CLYBL: variants seen among roughly 807,000 people sequenced by gnomAD.
The protein encoded by CLYBL is citramalyl-CoA lyase, mitochondrial.
CLYBL carries 31 observed loss-of-function variants against 38.9 expected under a neutral mutation model. The observed-to-expected ratio is 0.80, with a 90% confidence interval of 0.60 to 1.08. The LOEUF is 1.08. Ranked by LOEUF, CLYBL falls within the 50% of genes least tolerant of loss-of-function variation. The pLI is 0.00. For synonymous variants in CLYBL, 171 were observed against 158.6 expected, an observed-to-expected ratio of 1.08 and a Z score of -0.59; for missense variants, 434 against 411.6, an observed-to-expected ratio of 1.05 and a Z score of -0.47.
At chr13:99,901,819 C>G (rs1243973905), downstream of CLYBL, among the ~76,000 whole-genome samples, 3 of 152,010 alleles carry the variant, frequency 2.0e-5, no homozygotes, top group Admixed American at 1.3e-4. Flanking sequence ...GCCACCATGC[C>G]TGGCTAATTT....
chr13:99,865,885 C>T lies in CLYBL; in HGVS notation c.635-355C>T, dbSNP rs954499443. The stretch of plus-strand genomic sequence containing the variant: ...TGCCCTGCATAGCTGCTGGGCCACC[C>T]TTTGTGGTGCTGTCTTTGGACTGGC... On this transcript the variant is annotated intron_variant, in intron 5 of 8. Coordinates refer to ENST00000339105, the MANE Select transcript of CLYBL (RefSeq NM_206808.5). This position sits in a 1 kb window ranked among gnomAD's most constrained non-coding sequence, Gnocchi z 4.7. Among the ~76,000 whole-genome samples, 2 of 152,334 alleles carry T rather than the reference C, an allele frequency of 1.3e-5. No individual in the cohort carries two copies. Among genetic ancestry groups the T allele is most frequent in the South Asian group, 2.1e-4 (1 of 4,828 alleles).
chr13:99,633,863 G>A (rs2046983664), intron 1 of CLYBL, among the ~76,000 whole-genome samples: 1 of 152,106 alleles, frequency 6.6e-6, no homozygotes, highest in Admixed American at 6.6e-5. Flanking sequence ...AAAGATTGAA[G>A]AAAAGCAAAT....
chr13:99,635,423 G>A (rs890459241), intron 1 of CLYBL, among the ~76,000 whole-genome samples: 1 of 152,008 alleles, frequency 6.6e-6, no homozygotes. Flanking sequence ...GTCCAACCTT[G>A]TTTTCCACAT....
chr13:99,829,572 G>A (rs1205630038), intron 2 of CLYBL, among the ~76,000 whole-genome samples: 1 of 152,134 alleles, frequency 6.6e-6, no homozygotes, highest in African/African-American at 2.4e-5. Flanking sequence ...TGGGTTTCTG[G>A]TTTATCTTAG....
At chr13:99,797,340 G>T (rs914592219) in intron 2 of CLYBL, among the ~76,000 whole-genome samples, 1 of 152,166 alleles carries the variant, frequency 6.6e-6, no homozygotes, top group South Asian at 2.1e-4. Context: ...CAGGAAGATA[G>T]TTCCACTGAC....
intron 1 of CLYBL, among the ~76,000 whole-genome samples, chr13:99,704,876 C>T (rs1445995800): frequency 6.6e-6 from 1 of 152,156 alleles, no homozygotes; most frequent in African/African-American, 2.4e-5. Flanking sequence ...TCCTTCCTAG[C>T]ATCCTACATG....
At chr13:99,676,178 C>CTCCGTCCG (rs147767966) in intron 1 of CLYBL, among the ~76,000 whole-genome samples, 170 of 136,806 alleles carry the variant, frequency 1.2e-3, no homozygotes, top group Admixed American at 3.6e-3. Context: ...CCTTCCTTCC[C>CTCCGTCCG]TCCGTCCGTC....
chr13:99,669,293 C>T (rs1330947980), intron 1 of CLYBL, among the ~76,000 whole-genome samples: 4 of 152,042 alleles, frequency 2.6e-5, no homozygotes, highest in South Asian at 2.1e-4. Flanking sequence ...TGAGCTGCCG[C>T]GCCCGGCCAG....
chr13:99,885,012 G>A (rs749199353), intron 7 of CLYBL: 6 of 505,284 alleles, frequency 1.2e-5, no homozygotes, highest in South Asian at 4.5e-5. Context: ...TTTGCATTCA[G>A]CCTTTTCCAT....
At chr13:99,901,655 T>TG (rs1566373489), downstream of CLYBL, among the ~76,000 whole-genome samples, 115 of 145,970 alleles carry the variant, frequency 7.9e-4, 1 homozygote, top group African/African-American at 2.7e-3. Flanking sequence ...GTTTTTTTTT[T>TG]TTGTTTGTTT....
intron 1 of CLYBL, among the ~76,000 whole-genome samples, chr13:99,631,503 C>A (rs1307110881): frequency 8.6e-5 from 13 of 151,892 alleles, no homozygotes; most frequent in African/African-American, 4.8e-5. Context: ...ATAGTAATGA[C>A]GTAGCTGTTA....
intron 1 of CLYBL, among the ~76,000 whole-genome samples, chr13:99,741,504 A>AG (rs1189770306): frequency 6.6e-6 from 1 of 152,076 alleles, no homozygotes. Flanking sequence ...TTAAACTTAC[A>AG]GGAAATACCT....
At position 99,849,094 on chromosome 13, in the gene CLYBL, G is replaced by A. The variant is rs996556814; in HGVS notation, c.250-9767G>A. ...GTGGAGGCTGCAGTGAGCCGAGATC[G>A]TGCCATTACACTCCAGCCTAAGAGA... On this transcript the variant is annotated intron_variant, in intron 2 of 8. Coordinates refer to ENST00000339105, the MANE Select transcript of CLYBL (RefSeq NM_206808.5). This position sits in a 1 kb window ranked among gnomAD's most constrained non-coding sequence, Gnocchi z 4.9. 2.6e-5 allele frequency among the ~76,000 whole-genome samples: 4 copies of A among 151,374 alleles called. No homozygotes were observed. Among genetic ancestry groups the A allele is most frequent in the Admixed American group, 6.6e-5 (1 of 15,230 alleles).
At chr13:99,666,540 G>A (rs2047484524) in intron 1 of CLYBL, among the ~76,000 whole-genome samples, 1 of 152,108 alleles carries the variant, frequency 6.6e-6, no homozygotes, top group Admixed American at 6.5e-5. Flanking sequence ...GTTATTTCGA[G>A]CCAGTCAGCC....
chr13:99,654,638 T>C (rs1344412205), intron 1 of CLYBL, among the ~76,000 whole-genome samples: 1 of 152,192 alleles, frequency 6.6e-6, no homozygotes. Flanking sequence ...GCACATAGCC[T>C]CCAACCTCAA....
intron 1 of CLYBL, among the ~76,000 whole-genome samples, chr13:99,708,189 C>T (rs1335115832): frequency 6.6e-6 from 1 of 152,100 alleles, no homozygotes; most frequent in Non-Finnish European, 1.5e-5. Context: ...CCATGTTGGC[C>T]AGGCTGGTCT....
chr13:99,639,714 G>A (rs1382219199), intron 1 of CLYBL, among the ~76,000 whole-genome samples: 2 of 152,118 alleles, frequency 1.3e-5, no homozygotes, highest in African/African-American at 4.8e-5. Flanking sequence ...CCAACGCAGC[G>A]AGACCATATC....
chr13:99,607,783 A>C (rs1399994677), intron 1 of CLYBL, among the ~76,000 whole-genome samples: 1 of 152,134 alleles, frequency 6.6e-6, no homozygotes, highest in Admixed American at 6.6e-5. Context: ...TCGGTCTGTC[A>C]CCTAGGCTGT....
At chr13:99,772,303 A>G (rs2049412643) in intron 1 of CLYBL, among the ~76,000 whole-genome samples, 1 of 152,194 alleles carries the variant, frequency 6.6e-6, no homozygotes, top group African/African-American at 2.4e-5. Context: ...AGTCCTATCT[A>G]TTTTTTAAAC....
Sources: allele counts gnomAD v4.1 joint callset (sites outside exome capture counted in the v4.1 genomes callset), GRCh38; gene constraint gnomAD v4.1.1; non-coding constraint Gnocchi (gnomAD v3.1); transcripts MANE v1.5; gene names NCBI Gene and HGNC (gene_info 2026-07-23, HGNC 2026-07-21).